CBFA2T3: variants seen among roughly 807,000 people sequenced by gnomAD.
CBFA2T3 encodes the protein transcriptional corepressor CBFA2T3.
CBFA2T3 carries 31 observed loss-of-function variants against 58.6 expected under a neutral mutation model. That is an observed-to-expected ratio of 0.53 (90% CI 0.40 to 0.71). The LOEUF (loss-of-function observed/expected upper bound fraction) is 0.71. Among genes scored for constraint, CBFA2T3 ranks in the 30% least tolerant of loss-of-function variants. CBFA2T3 has a pLI of 0.00. For missense variants in CBFA2T3, 1,076 were observed against 963.1 expected (o/e 1.12, Z -1.55); for synonymous variants, 531 against 421.9 (o/e 1.26, Z -3.17).
chr16:88,945,639 A>T (rs973936325), intron 1 of CBFA2T3, among the ~76,000 whole-genome samples: 17 of 152,216 alleles, frequency 1.1e-4, no homozygotes, highest in African/African-American at 3.6e-4. Flanking sequence ...CGCCTGTTAG[A>T]ATAACTAAAA....
At chr16:88,882,619 T>TGCGTGGCTGTGTGTGC in intron 8 of CBFA2T3, 57 bp downstream of exon 8, 1 of 1,100,946 alleles carries the variant, frequency 9.1e-7, no homozygotes, top group South Asian at 1.3e-5. Flanking sequence ...GCTGTGTGTG[T>TGCGTGGCTGTGTGTGC]GCGTGGCTGT....
In CBFA2T3 at chr16:88,885,459, C is replaced by T. The variant is rs961924661; in HGVS notation, c.894-190G>A. Among the ~76,000 whole-genome samples the T allele has an allele frequency of 5.9e-5, 9 of 152,186 alleles. No individual in the cohort carries two copies. Among genetic ancestry groups the T allele is most frequent in the African/African-American group, 1.7e-4 (7 of 41,514 alleles). ...GCGCCCCCACTCTCTGCCCCTCTGC[C>T]GGGGCCCATGCCAGCCTCAACCCCT... On this transcript the variant is annotated intron_variant, in intron 6 of 11. Coordinates refer to ENST00000268679, the MANE Select transcript of CBFA2T3 (RefSeq NM_005187.6). The surrounding 1 kb of genome is among the most constrained non-coding windows in gnomAD (Gnocchi z 5.3).
At chr16:88,879,130 G>A (rs1348145656) in intron 11 of CBFA2T3, 140 bp downstream of exon 11, 21 of 698,082 alleles carry the variant, frequency 3.0e-5, no homozygotes, top group East Asian at 5.1e-5. Context: ...CAGTGTGGGC[G>A]GGGATGGCGT....
intron 5 of CBFA2T3, among the ~76,000 whole-genome samples, chr16:88,888,746 C>T (rs967481987): frequency 3.3e-5 from 5 of 151,700 alleles, no homozygotes; most frequent in African/African-American, 9.7e-5. Flanking sequence ...CTGGCCTCCC[C>T]CTAGAAGCGC....
At chr16:88,925,867 C>T (rs1172777111) in intron 1 of CBFA2T3, among the ~76,000 whole-genome samples, 3 of 152,202 alleles carry the variant, frequency 2.0e-5, no homozygotes, top group East Asian at 1.9e-4. Flanking sequence ...ACTGCGGAGT[C>T]GGTGCCATCC....
intron 11 of CBFA2T3, among the ~76,000 whole-genome samples, chr16:88,877,932 G>A (rs1321774318): frequency 6.6e-6 from 1 of 152,170 alleles, no homozygotes; most frequent in Non-Finnish European, 1.5e-5. Context: ...CTGCCCTAGG[G>A]GAGAAGCCCA....
chr16:88,929,654 C>G (rs1971211773), intron 1 of CBFA2T3, among the ~76,000 whole-genome samples: 1 of 120,878 alleles, frequency 8.3e-6, no homozygotes, highest in African/African-American at 2.8e-5. Context: ...ATACCCACAG[C>G]TGCGTGGTCC....
rs1332165754 is a variant in CBFA2T3, at chr16:88,875,584, G to A, written c.*1392C>T. 4.3e-6 allele frequency: 1 copy of A among 233,642 alleles called. No individual in the cohort carries two copies. Among genetic ancestry groups the A allele is most frequent in the Non-Finnish European group, 8.5e-6 (1 of 118,274 alleles). The allele number at this position is 233,642 out of a possible 1,614,324, so 14.5% of individuals were successfully genotyped here. ...GTGGGGCGATGGGGCCGAGAGGTTG[G>A]AGTTGGGGCGATGGGGCTGAGAGAG... On this transcript the variant is annotated 3_prime_UTR_variant, in exon 12 of 12. Transcript: ENST00000268679.
intron 1 of CBFA2T3, among the ~76,000 whole-genome samples, chr16:88,907,847 T>C (rs988675670): frequency 6.6e-6 from 1 of 152,234 alleles, no homozygotes; most frequent in African/African-American, 2.4e-5. Context: ...AGGCACTGGC[T>C]CTGGACACAG....
intron 8 of CBFA2T3, among the ~76,000 whole-genome samples, chr16:88,881,816 T>G (rs1435985956): frequency 6.6e-6 from 1 of 152,162 alleles, no homozygotes; most frequent in Non-Finnish European, 1.5e-5. Context: ...CCAAAAAGCA[T>G]GAGGGCGAGG....
At chr16:88,889,863 TC>T (rs1171901450) in intron 5 of CBFA2T3, among the ~76,000 whole-genome samples, 1 of 128,114 alleles carries the variant, frequency 7.8e-6, no homozygotes, top group Non-Finnish European at 1.6e-5. Context: ...CAGGGACACT[TC>T]AAATCCCTGG....
In CBFA2T3 at chr16:88,956,789, A is replaced by G. The variant is rs555447189; in HGVS notation, c.151+19868T>C. 5.3e-5 allele frequency among the ~76,000 whole-genome samples: 8 copies of G among 152,274 alleles called. 1 individual carries two copies. In the South Asian group the frequency reaches 1.4e-3, roughly 28 times the overall value. On this transcript the variant is annotated intron_variant, in intron 1 of 11. Coordinates refer to ENST00000268679, the MANE Select transcript of CBFA2T3 (RefSeq NM_005187.6). Reference sequence around the variant, plus strand: ...CGGCTGCTTTCCTGACCGAGTTTGGAACTGGACCGCATGGCCCTTGCCCTC... The same window carrying G: ...CGGCTGCTTTCCTGACCGAGTTTGGGACTGGACCGCATGGCCCTTGCCCTC...
intron 5 of CBFA2T3, chr16:88,886,364 T>A: frequency 2.4e-6 from 1 of 408,848 alleles, no homozygotes; most frequent in South Asian, 7.9e-5. Flanking sequence ...GTGCCTCACC[T>A]GGGCCACACG....
intron 1 of CBFA2T3, among the ~76,000 whole-genome samples, chr16:88,924,435 G>C (rs562695097): frequency 1.3e-5 from 2 of 152,186 alleles, no homozygotes; most frequent in Non-Finnish European, 2.9e-5. Flanking sequence ...GGTGGGGAAC[G>C]AGGCTCTCGG....
intron 10 of CBFA2T3, 94 bp from the exon 11 acceptor site, chr16:88,879,554 CTGTGT>C: frequency 9.0e-7 from 1 of 1,110,584 alleles, no homozygotes; most frequent in South Asian, 1.4e-5. Context: ...GGGACAGGGG[CTGTGT>C]GCAGCTGAAC....
intron 2 of CBFA2T3, among the ~76,000 whole-genome samples, chr16:88,900,310 G>A (rs1422931604): frequency 1.3e-5 from 2 of 152,254 alleles, no homozygotes; most frequent in African/African-American, 2.4e-5. Flanking sequence ...AGGCTGACTC[G>A]GAGCCAACAT....
chr16:88,880,805 C>T lies in CBFA2T3; in HGVS notation c.1403-17G>A, dbSNP rs58069155. ...GAGGCACGTCTGAAACAGGGGCCGG[C>T]GTCACACAGGATGGGCCACGCGGCT... On this transcript the variant is annotated splice_polypyrimidine_tract_variant and intron_variant, in intron 9 of 11. Coordinates refer to ENST00000268679, the MANE Select transcript of CBFA2T3 (RefSeq NM_005187.6). 2.0e-3 allele frequency: 3,165 copies of T among 1,571,360 alleles called. 120 individuals carry two copies. The East Asian group carries it at 0.062, about 31-fold the overall frequency.
chr16:88,898,145 C>G lies in CBFA2T3; in HGVS notation c.312G>C (p.Glu104Asp). The G allele has an allele frequency of 6.2e-7, 1 of 1,612,274 alleles. No homozygotes were observed. Among genetic ancestry groups the G allele is most frequent in the Non-Finnish European group, 8.5e-7 (1 of 1,179,116 alleles). Residue 104 changes from glutamate (E) to aspartate (D), a missense_variant, in exon 3 of 12, where the codon GAG becomes GAC. Transcript: ENST00000268679. ...CGTGGGGCAGCGTCGCAGGCCCGTC[C>G]TCTCGATCTGTAAGCAAAATAAGAA... ...PPSFTPHTHR[E>D]DGPATLPHGR...
At chr16:88,896,876 G>A (rs1295378820) in intron 3 of CBFA2T3, among the ~76,000 whole-genome samples, 2 of 152,100 alleles carry the variant, frequency 1.3e-5, no homozygotes, top group Non-Finnish European at 2.9e-5. Flanking sequence ...GCTCGCCCTC[G>A]CCTGCCCGCG....
Sources: allele counts gnomAD v4.1 joint callset (sites outside exome capture counted in the v4.1 genomes callset), GRCh38; gene constraint gnomAD v4.1.1; non-coding constraint Gnocchi (gnomAD v3.1); transcripts MANE v1.5; gene names NCBI Gene and HGNC (gene_info 2026-07-23, HGNC 2026-07-21).